ITPR2: variants seen among roughly 807,000 people sequenced by gnomAD.
ITPR2 encodes inositol 1,4,5-trisphosphate-gated calcium channel ITPR2.
A neutral mutation model predicts 317.1 loss-of-function variants in ITPR2; 207 were observed. The observed-to-expected ratio is 0.65, with a 90% CI of 0.58 to 0.73. The LOEUF is 0.73. Among genes scored for constraint, ITPR2 ranks in the 30% least tolerant of loss-of-function variants. ITPR2 has a pLI of 0.00. For missense variants in ITPR2, 2,613 were observed against 3,284.0 expected (o/e 0.80, Z 4.99); for synonymous variants, 1,156 against 1,149.1 (o/e 1.01, Z -0.12).
rs1016925859 is a variant in ITPR2, at chr12:26,550,258, A to C, written c.5062T>G (p.Phe1688Val). The C allele has an allele frequency of 2.8e-6, 4 of 1,450,536 alleles. No individual in the cohort carries two copies. The highest frequency in any genetic ancestry group is 3.8e-6 in the Non-Finnish European group (4 of 1,046,932). 89.9% of individuals were successfully genotyped at this position (1,450,536 alleles called of 1,614,324 possible). A position where few individuals can be genotyped will look rare whatever the true frequency, so the allele number is the denominator to read the frequency against. Residue 1688 changes from phenylalanine to valine, a missense_variant, in exon 37 of 57, where the codon TTT becomes GTT. This residue lies in a region of ITPR2 where 926 missense variants were observed against 1,072.8 expected (regional missense o/e 0.86). Coordinates refer to ENST00000381340, the MANE Select transcript of ITPR2 (RefSeq NM_002223.4). The stretch of plus-strand genomic sequence containing the variant: ...TTTTAAAAAAATACCTCTTCCACAA[A>C]GCTGTCTTTCTTCTCTAACATTTCT... ...LREMLEKKDSFVEEGNTLRKI... is the reference protein window; with the variant it reads ...LREMLEKKDSVVEEGNTLRKI...
chr12:26,417,712 T>C (rs117898277), intron 50 of ITPR2, among the ~76,000 whole-genome samples: 338 of 152,326 alleles, frequency 2.2e-3, no homozygotes, highest in Admixed American at 3.5e-3. Flanking sequence ...GGTAGTATAT[T>C]CATAGCAGTG....
intron 21 of ITPR2, among the ~76,000 whole-genome samples, chr12:26,649,801 A>ATAGATAGG (rs1947201585): frequency 6.6e-6 from 1 of 151,060 alleles, no homozygotes; most frequent in African/African-American, 2.4e-5. Flanking sequence ...AGATAGATAG[A>ATAGATAGG]TAGATAGATA....
At chr12:26,346,731 T>C (rs191389805) in intron 55 of ITPR2, among the ~76,000 whole-genome samples, 15 of 144,370 alleles carry the variant, frequency 1.0e-4, no homozygotes, top group African/African-American at 4.4e-4. Flanking sequence ...AGCACCAATC[T>C]ATGAGTCAGG....
intron 2 of ITPR2, among the ~76,000 whole-genome samples, chr12:26,737,252 GTTTC>G (rs967237877): frequency 7.3e-5 from 11 of 149,800 alleles, no homozygotes; most frequent in South Asian, 2.1e-4. Flanking sequence ...TTTCCTTTTC[GTTTC>G]TTTCTTTCTT....
At chr12:26,589,612 C>A (rs1362670763) in intron 32 of ITPR2, among the ~76,000 whole-genome samples, 1 of 150,192 alleles carries the variant, frequency 6.7e-6, no homozygotes, top group Non-Finnish European at 1.5e-5. Flanking sequence ...CATGGTGAAA[C>A]CCTGTCTCTA....
chr12:26,556,692 G>T (rs1944673192), intron 35 of ITPR2, among the ~76,000 whole-genome samples: 2 of 150,418 alleles, frequency 1.3e-5, no homozygotes, highest in Admixed American at 1.3e-4. Context: ...TATGTGCCCT[G>T]CAGTGCCTAG....
intron 37 of ITPR2, among the ~76,000 whole-genome samples, chr12:26,528,860 T>C (rs1384077985): frequency 6.6e-6 from 1 of 152,190 alleles, no homozygotes; most frequent in African/African-American, 2.4e-5. Context: ...GTTCCTCCTT[T>C]CATCTTCCCC....
At chr12:26,805,185 A>G (rs1465490281) in intron 1 of ITPR2, among the ~76,000 whole-genome samples, 2 of 152,260 alleles carry the variant, frequency 1.3e-5, no homozygotes, top group Non-Finnish European at 2.9e-5. Flanking sequence ...AGAGTCTAAT[A>G]TCACAATTGT....
In ITPR2 at chr12:26,599,229, G is replaced by A. The variant is rs546985021; in HGVS notation, c.3918C>T (p.His1306=). The change falls in exon 30 of 57, where the codon CAC becomes CAT. Residue 1306 remains histidine (H), a synonymous_variant. Transcript: ENST00000381340. ...FVHCIETHGR[H]VEYLRFLQTI... ...TTTGCAAAAACCTCAGGTACTCCAC[G>A]TGGCGGCCATGTGTCTCAATGCAGT... 3.1e-6 allele frequency: 5 copies of A among 1,614,004 alleles called. No homozygotes were observed. Among genetic ancestry groups the A allele is most frequent in the Middle Eastern group, 1.6e-4 (1 of 6,062 alleles).
intron 32 of ITPR2, among the ~76,000 whole-genome samples, chr12:26,589,456 AT>A (rs1166747876): frequency 6.6e-6 from 1 of 152,016 alleles, no homozygotes; most frequent in Non-Finnish European, 1.5e-5. Flanking sequence ...ATGAGTGCTA[AT>A]TTCATTACTA....
intron 1 of ITPR2, among the ~76,000 whole-genome samples, chr12:26,817,464 G>A (rs770938419): frequency 6.6e-6 from 1 of 152,150 alleles, no homozygotes; most frequent in African/African-American, 2.4e-5. Context: ...TCCCTTCAGT[G>A]CTTCTGCTGA....
chr12:26,809,679 G>A (rs963993564), intron 1 of ITPR2, among the ~76,000 whole-genome samples: 17 of 152,088 alleles, frequency 1.1e-4, no homozygotes, highest in Non-Finnish European at 1.8e-4. Context: ...GGGGCTTGGC[G>A]GGGGTTGGGG....
At chr12:26,341,938 G>T (rs1040040864) in intron 55 of ITPR2, among the ~76,000 whole-genome samples, 4 of 152,352 alleles carry the variant, frequency 2.6e-5, no homozygotes, top group Admixed American at 2.6e-4. Context: ...AAGTGTTAAG[G>T]ACTCTGGTTT....
chr12:26,437,671 T>A lies in ITPR2; in HGVS notation c.6644-1325A>T, dbSNP rs1384086251. Among the ~76,000 whole-genome samples, 3 of 53,204 alleles carry A rather than the reference T, an allele frequency of 5.6e-5. No homozygotes were observed. In the East Asian group the frequency reaches 8.9e-4, roughly 16 times the overall value. 34.9% of individuals were successfully genotyped at this position (53,204 alleles called of 152,430 possible). On this transcript the variant is annotated intron_variant, in intron 47 of 56. Coordinates refer to ENST00000381340, the MANE Select transcript of ITPR2 (RefSeq NM_002223.4). ...AAGTAAAATGTACATTGAAAATTAT[T>A]TTAAGATTTAATTTTTGGTAAATGA...
intron 45 of ITPR2, among the ~76,000 whole-genome samples, chr12:26,448,493 G>T (rs942066667): frequency 6.6e-6 from 1 of 152,062 alleles, no homozygotes; most frequent in Admixed American, 6.6e-5. Flanking sequence ...AGTTTCAAAA[G>T]AATTTTAGCA....
At chr12:26,488,633 A>C (rs1942727783) in intron 39 of ITPR2, among the ~76,000 whole-genome samples, 1 of 152,226 alleles carries the variant, frequency 6.6e-6, no homozygotes, top group Admixed American at 6.5e-5. Flanking sequence ...ACAGTAAAAC[A>C]GTCAAGCTGG....
At chr12:26,586,615 T>C (rs1027614873) in intron 32 of ITPR2, among the ~76,000 whole-genome samples, 20 of 152,232 alleles carry the variant, frequency 1.3e-4, no homozygotes, top group African/African-American at 4.6e-4. Context: ...TCCATTTCAA[T>C]TATTGCTATT....
rs183333618 is a variant in ITPR2, at chr12:26,604,249, C to T, written c.3463-1543G>A. 3.6e-3 allele frequency among the ~76,000 whole-genome samples: 545 copies of T among 152,304 alleles called. 4 individuals are homozygous for T. The highest frequency in any genetic ancestry group is 6.3e-3 in the Non-Finnish European group (429 of 68,008). ...ACTCCTCACTCAGCTTTATATTTTT[C>T]TTTTGCTTCTTTTCTGGCAAATATT... On this transcript the variant is annotated intron_variant, in intron 26 of 56. Transcript: ENST00000381340.
chr12:26,369,816 G>A (rs1380664653), intron 55 of ITPR2, among the ~76,000 whole-genome samples: 1 of 152,166 alleles, frequency 6.6e-6, no homozygotes, highest in Non-Finnish European at 1.5e-5. Context: ...AGAGAGCTTT[G>A]AGTCAGCCCG....
Sources: allele counts gnomAD v4.1 joint callset (sites outside exome capture counted in the v4.1 genomes callset), GRCh38; gene constraint gnomAD v4.1.1; regional missense constraint gnomAD v4.1.1; transcripts MANE v1.5; gene names NCBI Gene and HGNC (gene_info 2026-07-23, HGNC 2026-07-21).